The following INPPL1 variants were observed in gnomAD, a reference collection of about 807,000 sequenced individuals.
INPPL1 encodes phosphatidylinositol 3,4,5-trisphosphate 5-phosphatase 2.
In INPPL1, 91 loss-of-function variants were observed where a neutral mutation model predicts 139.3. That is an observed-to-expected ratio of 0.65 (90% CI 0.55 to 0.78). The LOEUF (loss-of-function observed/expected upper bound fraction) is 0.78. Among genes scored for constraint, INPPL1 ranks in the 30% least tolerant of loss-of-function variants. The pLI, the probability that INPPL1 is intolerant of heterozygous loss-of-function variation, is 0.00. For missense variants in INPPL1, 1,411 were observed against 1,665.6 expected (o/e 0.85, Z 2.66); for synonymous variants, 719 against 686.6 (o/e 1.05, Z -0.74).
At position 72,230,202 on chromosome 11, in the gene INPPL1, G is replaced by A. The variant is rs1948792407; in HGVS notation, c.1021G>A (p.Gly341Arg). 1.9e-6 allele frequency: 3 copies of A among 1,612,452 alleles called. No individual in the cohort carries two copies. The highest frequency in any genetic ancestry group is 2.5e-6 in the Non-Finnish European group (3 of 1,178,898). The change falls in exon 9 of 28, where the codon GGG becomes AGG. Residue 341 changes from glycine to arginine, a missense_variant. Gly to Arg is a moderately radical substitution (Grantham distance 125). Coordinates refer to ENST00000298229, the MANE Select transcript of INPPL1 (RefSeq NM_001567.4). ...KFTLSVDVEGGRLVLLRRQRD... is the reference protein window; with the variant it reads ...KFTLSVDVEGRRLVLLRRQRD... ...CACGCTGAGCGTGGATGTGGAGGGT[G>A]GGCGGCTGGTGCTGCTGCGGAGACA... is the stretch of plus-strand genomic sequence containing the variant.
At chr11:72,237,044 CT>C in intron 25 of INPPL1, 79 bp from the exon 26 acceptor site, 1 of 1,320,554 alleles carries the variant, frequency 7.6e-7, no homozygotes, top group Non-Finnish European at 1.0e-6. Context: ...TGACTCCCGT[CT>C]AGTTCTCCTT....
rs1591283496 is a variant in INPPL1 at position 72,234,821 on chromosome 11, C to G, written c.2415+206C>G. 6.6e-6 allele frequency among the ~76,000 whole-genome samples: 1 copy of G among 151,246 alleles called. No individual in the cohort carries two copies. Among genetic ancestry groups the G allele is most frequent in the East Asian group, 1.9e-4 (1 of 5,170 alleles). On this transcript the variant is annotated intron_variant, in intron 21 of 27. Coordinates refer to ENST00000298229, the MANE Select transcript of INPPL1 (RefSeq NM_001567.4). This position sits in a 1 kb window ranked among gnomAD's most constrained non-coding sequence, Gnocchi z 4.2. ...TTTGCTTTATTTTGGGAGTGTGGAACCTTGTTGCAGTTTGTTCATTCATTC... is the reference window on the plus strand; with the variant it reads ...TTTGCTTTATTTTGGGAGTGTGGAAGCTTGTTGCAGTTTGTTCATTCATTC...
At chr11:72,223,773 CAGCGGCTCCGGGACCGAGGCGCGGGGCG>C (rs965940646), upstream of INPPL1, 21 of 151,552 alleles carry the variant, frequency 1.4e-4, no homozygotes, top group African/African-American at 5.1e-4. Context: ...CCCAGTGGGC[CAGCGGCTCCGGGACCGAGGCGCGGGGCG>C]GGGTGAGGCG....
chr11:72,233,147 A>C lies in INPPL1; in HGVS notation c.2024A>C (p.Lys675Thr). 1 of 1,613,884 alleles carries C rather than the reference A, an allele frequency of 6.2e-7. No individual in the cohort carries two copies. The highest frequency in any genetic ancestry group is 8.5e-7 in the Non-Finnish European group (1 of 1,179,940). The change falls in exon 17 of 28, where the codon AAG becomes ACG. Residue 675 changes from lysine to threonine, a missense_variant. Lys to Thr is a moderately conservative substitution (Grantham distance 78, BLOSUM62 -1). Coordinates refer to ENST00000298229, the MANE Select transcript of INPPL1 (RefSeq NM_001567.4). Reference sequence around the variant, plus strand: ...TCCCGGGACACATATGCCTGGCACAAGCAGAAGCCAACTGGGGTGAGCCAA... The same window carrying C: ...TCCCGGGACACATATGCCTGGCACACGCAGAAGCCAACTGGGGTGAGCCAA... ...RGSRDTYAWH[K>T]QKPTGVRTNV...
At chr11:72,224,508 G>A (rs879717595), upstream of INPPL1, among the ~76,000 whole-genome samples, 6 of 151,068 alleles carry the variant, frequency 4.0e-5, no homozygotes, top group South Asian at 2.1e-4. Context: ...CCTGGATCCC[G>A]AAGTGTCGGG....
chr11:72,238,075 C>T lies in INPPL1; in HGVS notation c.3586C>T (p.Leu1196=). 1 of 1,571,968 alleles carries T rather than the reference C, an allele frequency of 6.4e-7. No homozygotes were observed. The highest frequency in any genetic ancestry group is 8.6e-7 in the Non-Finnish European group (1 of 1,159,068). Residue 1196 remains leucine, a synonymous_variant, in exon 27 of 28, where the codon CTG becomes TTG. Coordinates refer to ENST00000298229, the MANE Select transcript of INPPL1 (RefSeq NM_001567.4). ...CCTGCAGGGCGGGCGGGCCAGCGGGCTGGGCGAGGCAGGCATGAGTGCCTG... is the reference window on the plus strand; with the variant it reads ...CCTGCAGGGCGGGCGGGCCAGCGGGTTGGGCGAGGCAGGCATGAGTGCCTG... The part of the protein sequence containing the change: ...PCLQGGRASG[L]GEAGMSAWLR...
In INPPL1 at chr11:72,234,465, A is replaced by G; in HGVS notation, c.2327-62A>G. On this transcript the variant is annotated intron_variant, in intron 20 of 27. Transcript: ENST00000298229. The surrounding 1 kb of genome is among the most constrained non-coding windows in gnomAD (Gnocchi z 4.2). Reference sequence around the variant, plus strand: ...GGCAAGAGGGTGCAGTCAGCCCCCTACTTAGGGGGAAAGGAAGCTGAGAGG... The same window carrying G: ...GGCAAGAGGGTGCAGTCAGCCCCCTGCTTAGGGGGAAAGGAAGCTGAGAGG... 4 of 1,587,418 alleles carry G rather than the reference A, an allele frequency of 2.5e-6. No individual in the cohort carries two copies. The highest frequency in any genetic ancestry group is 2.7e-5 in the African/African-American group (2 of 74,368).
intron 5 of INPPL1, 87 bp downstream of exon 5, chr11:72,229,317 C>T: frequency 6.9e-7 from 1 of 1,459,680 alleles, no homozygotes; most frequent in Non-Finnish European, 9.4e-7. Flanking sequence ...GCCCTGATCT[C>T]TGATCCTGAA....
Position 72,228,721 on chromosome 11 carries a change from C to A in INPPL1, c.398-6C>A. ...CAAACGGCTGCCCACTGACCCCTGC[C>A]CACAGATGGGGAGGATGAGAAGCCC... On this transcript the variant is annotated splice_polypyrimidine_tract_variant and splice_region_variant and intron_variant, in intron 3 of 27. Transcript: ENST00000298229. The surrounding 1 kb of genome is among the most constrained non-coding windows in gnomAD (Gnocchi z 5.0). The A allele has an allele frequency of 6.2e-7, 1 of 1,608,350 alleles. No individual in the cohort carries two copies. The highest frequency in any genetic ancestry group is 1.1e-5 in the South Asian group (1 of 90,380).
intron 7 of INPPL1, 39 bp downstream of exon 7, chr11:72,229,791 C>T (rs1447030614): frequency 6.3e-7 from 1 of 1,587,206 alleles, no homozygotes; most frequent in South Asian, 1.1e-5. Context: ...GATTCACTGG[C>T]CACTGTCATT....
At chr11:72,227,561 C>T (rs528073202) in intron 1 of INPPL1, among the ~76,000 whole-genome samples, 7 of 152,248 alleles carry the variant, frequency 4.6e-5, no homozygotes, top group South Asian at 4.1e-4. Flanking sequence ...TGATTGTGCA[C>T]CTGGCTCAGC....
At position 72,237,469 on chromosome 11, in the gene INPPL1, A is replaced by T. The variant is rs934831700; in HGVS notation, c.3225A>T (p.Pro1075=). 6 of 1,610,244 alleles carry T rather than the reference A, an allele frequency of 3.7e-6. No individual in the cohort carries two copies. The highest frequency in any genetic ancestry group is 5.1e-6 in the Non-Finnish European group (6 of 1,177,658). The part of the protein sequence containing the change: ...LPPSLDPLPG[P]VVRGRGGAEA... Reference sequence around the variant, plus strand: ...CCAGCCTGGATCCTTTACCAGGGCCAGTGGTCCGGGGCCGTGGTGGGGCTG... The same window carrying T: ...CCAGCCTGGATCCTTTACCAGGGCCTGTGGTCCGGGGCCGTGGTGGGGCTG... The change falls in exon 26 of 28, where the codon CCA becomes CCT. Residue 1075 remains proline, a synonymous_variant. Transcript: ENST00000298229.
chr11:72,230,321 C>T, intron 9 of INPPL1, 41 bp from the exon 10 acceptor site: 1 of 1,613,294 alleles, frequency 6.2e-7, no homozygotes, highest in Admixed American at 1.7e-5. Flanking sequence ...AGCCCCTGGC[C>T]TAGGGGCACA....
At position 72,235,820 on chromosome 11, in the gene INPPL1, ATC is replaced by A; in HGVS notation, c.2739-19_2739-18del. The A allele has an allele frequency of 1.2e-6, 2 of 1,612,990 alleles. No homozygotes were observed. The highest frequency in any genetic ancestry group is 2.7e-5 in the African/African-American group (2 of 75,000). On this transcript the variant is annotated intron_variant, in intron 24 of 27. Transcript: ENST00000298229. The surrounding 1 kb of genome is among the most constrained non-coding windows in gnomAD (Gnocchi z 4.9). ...GGGGGCATCTGGTCAACCCCACTTC[ATC>A]TCTCTCCTGTGCATCCCTGGCAGGT...
At chr11:72,225,640 G>A (rs1340595979) in intron 1 of INPPL1, 1 of 517,056 alleles carries the variant, frequency 1.9e-6, no homozygotes, top group Non-Finnish European at 2.5e-6. Flanking sequence ...GGTTCTGCCT[G>A]GCCGTGTATG....
Position 72,224,918 on chromosome 11 carries a change from C to T in INPPL1, c.-67C>T. 3 of 1,008,160 alleles carry T rather than the reference C, an allele frequency of 3.0e-6. No homozygotes were observed. The highest frequency in any genetic ancestry group is 1.2e-6 in the Non-Finnish European group (1 of 838,598). The allele number at this position is 1,008,160 out of a possible 1,614,324, so 62.5% of individuals were successfully genotyped here. ...GCCCCGGGCCCGGCCCCAGCCTCAG[C>T]CCTGAGCGTCTCGGGGCGGATGGCG... On this transcript the variant is annotated 5_prime_UTR_variant, in exon 1 of 28. Transcript: ENST00000298229.
intron 12 of INPPL1, 144 bp downstream of exon 12, chr11:72,231,333 T>C: frequency 1.0e-6 from 1 of 966,388 alleles, no homozygotes; most frequent in South Asian, 1.5e-5. Flanking sequence ...AGATCTGACC[T>C]GAGTCCTTCA....
rs146086521 is a variant in INPPL1 at position 72,232,665 on chromosome 11, G to A, written c.1752G>A (p.Ser584=). The change falls in exon 15 of 28, where the codon TCG becomes TCA. Residue 584 remains serine (S), a synonymous_variant. Transcript: ENST00000298229. ...ACTTGGACATCCTGCGGCTGCTCTC[G>A]CTGGGCGACCGGCAGCTCAATGCCT... ...QNYLDILRLL[S]LGDRQLNAFD... 22 of 1,613,770 alleles carry A rather than the reference G, an allele frequency of 1.4e-5. No individual in the cohort carries two copies. The highest frequency in any genetic ancestry group is 2.7e-5 in the African/African-American group (2 of 74,858).
At position 72,235,263 on chromosome 11, in the gene INPPL1, G is replaced by C; in HGVS notation, c.2504-33G>C. On this transcript the variant is annotated intron_variant, in intron 22 of 27. Transcript: ENST00000298229. The surrounding 1 kb of genome is among the most constrained non-coding windows in gnomAD (Gnocchi z 4.9). ...CCAGACAGGGCCCTAGATTAGCTTGGTAATTTGCTGGTTTGTCCCATCTGC... is the reference window on the plus strand; with the variant it reads ...CCAGACAGGGCCCTAGATTAGCTTGCTAATTTGCTGGTTTGTCCCATCTGC... 2 of 1,613,904 alleles carry C rather than the reference G, an allele frequency of 1.2e-6. No individual in the cohort carries two copies. The highest frequency in any genetic ancestry group is 1.7e-4 in the Middle Eastern group (1 of 6,058).
Sources: gnomAD v4.1 joint callset for allele counts (sites outside exome capture counted in the v4.1 genomes callset) on GRCh38, gnomAD v4.1.1 for gene constraint, Gnocchi (gnomAD v3.1) non-coding constraint, MANE v1.5 for transcripts, NCBI Gene and HGNC (gene_info 2026-07-23, HGNC 2026-07-21) for gene names.